GRIA3: variants seen among roughly 807,000 people sequenced by gnomAD.
GRIA3 encodes the protein glutamate receptor 3.
In GRIA3, 3 loss-of-function variants were observed where a neutral mutation model predicts 63.0. That is an observed-to-expected ratio of 0.05 (90% CI 0.02 to 0.12). GRIA3 has a LOEUF of 0.12. GRIA3 is among the 10% of genes least tolerant of loss of function. The pLI, the probability that GRIA3 is intolerant of heterozygous loss-of-function variation, is 1.00. For synonymous variants in GRIA3, 274 were observed against 257.9 expected (o/e 1.06, Z -0.60); for missense variants, 347 against 700.9 (o/e 0.50, Z 5.70).
chrX:123,374,336 C>T (rs781239975), intron 5 of GRIA3, among the ~76,000 whole-genome samples: 1 of 111,956 alleles, frequency 8.9e-6, no homozygotes, highest in South Asian at 3.8e-4. Context: ...CTTGGCAATG[C>T]AGGCTCTTTT....
At chrX:123,196,710 A>G (rs1048751328) in intron 2 of GRIA3, among the ~76,000 whole-genome samples, 1 of 111,842 alleles carries the variant, frequency 8.9e-6, no homozygotes, top group Non-Finnish European at 1.9e-5. Context: ...GAACTCCTCT[A>G]CCATATTTCT....
intron 4 of GRIA3, among the ~76,000 whole-genome samples, chrX:123,329,905 T>C (rs906580793): frequency 8.9e-6 from 1 of 111,747 alleles, no homozygotes; most frequent in Non-Finnish European, 1.9e-5. Context: ...TCTGAAGAGA[T>C]CCTCCACCAC....
intron 5 of GRIA3, among the ~76,000 whole-genome samples, chrX:123,362,281 G>A: frequency 8.9e-6 from 1 of 112,000 alleles, no homozygotes; most frequent in Non-Finnish European, 1.9e-5. Context: ...GATAGAACAG[G>A]TGCTGGGACA....
chrX:123,361,641 T>C (rs2045175066), intron 5 of GRIA3, among the ~76,000 whole-genome samples: 1 of 111,363 alleles, frequency 9.0e-6, no homozygotes, highest in African/African-American at 3.3e-5. Context: ...ACTCTGAGAC[T>C]CCTATTCTCT....
intron 3 of GRIA3, among the ~76,000 whole-genome samples, chrX:123,315,468 A>T (rs1603088253): frequency 8.9e-6 from 1 of 112,524 alleles, no homozygotes; most frequent in East Asian, 2.8e-4. Flanking sequence ...AAGTTAAAAC[A>T]AAAACAAACA....
intron 12 of GRIA3, among the ~76,000 whole-genome samples, chrX:123,463,656 GAAAGAAAGAAAGAAAGAAAGAA>G (rs1569440848): frequency 4.0e-5 from 2 of 49,409 alleles, no homozygotes; most frequent in Non-Finnish European, 3.5e-5. Context: ...AAGAAAGAAA[GAAAGAAAGAAAGAAAGAAAGAA>G]AGAAAGAGAG....
intron 3 of GRIA3, among the ~76,000 whole-genome samples, chrX:123,304,725 T>A (rs2044744749): frequency 8.9e-6 from 1 of 111,934 alleles, no homozygotes; most frequent in Non-Finnish European, 1.9e-5. Flanking sequence ...AAGGCAGTAG[T>A]TTGAAGAATT....
chrX:123,207,163 T>C (rs1409306879), intron 2 of GRIA3, among the ~76,000 whole-genome samples: 1 of 36,126 alleles, frequency 2.8e-5, no homozygotes, highest in Non-Finnish European at 4.5e-5. Context: ...TATTATAATT[T>C]GCAAAAAAAA....
chrX:123,282,244 A>G lies in GRIA3; in HGVS notation c.508+28702A>G, dbSNP rs1188359895. Among the ~76,000 whole-genome samples the G allele has an allele frequency of 5.3e-5, 6 of 112,518 alleles. No homozygotes were observed. The Admixed American group carries it at 5.6e-4, about 11-fold the overall frequency. ...TGATATTTCAGAATATATGCATGAA[A>G]GAAAATTAAAACAAAAGGAAACAAT... On this transcript the variant is annotated intron_variant, in intron 3 of 15. Coordinates refer to ENST00000620443, the MANE Select transcript of GRIA3 (RefSeq NM_007325.5).
At chrX:123,302,792 T>C (rs1168554080) in intron 3 of GRIA3, among the ~76,000 whole-genome samples, 1 of 111,023 alleles carries the variant, frequency 9.0e-6, no homozygotes, top group Admixed American at 9.6e-5. Context: ...GAAAGATCCA[T>C]TGAGGAGTTT....
intron 3 of GRIA3, among the ~76,000 whole-genome samples, chrX:123,285,577 C>CA (rs59101106): frequency 1.9e-3 from 19 of 10,163 alleles, no homozygotes; most frequent in East Asian, 4.4e-3. Context: ...AAATGAAAAG[C>CA]AAAAAAAAAA....
intron 12 of GRIA3, among the ~76,000 whole-genome samples, chrX:123,449,266 G>A (rs1238014877): frequency 8.9e-6 from 1 of 112,212 alleles, no homozygotes; most frequent in African/African-American, 3.2e-5. Flanking sequence ...TTAAATAAGT[G>A]TGCTGATTTG....
chrX:123,237,604 G>A (rs930005319), intron 2 of GRIA3, among the ~76,000 whole-genome samples: 2 of 111,973 alleles, frequency 1.8e-5, no homozygotes, highest in Middle Eastern at 4.6e-3. Flanking sequence ...TTAATTTTGC[G>A]TGACATCACA....
intron 2 of GRIA3, among the ~76,000 whole-genome samples, chrX:123,214,042 C>T (rs1015669903): frequency 3.6e-5 from 4 of 111,746 alleles, no homozygotes; most frequent in Non-Finnish European, 7.5e-5. Flanking sequence ...GTTCCCAAGC[C>T]CAAGCCTTGA....
intron 2 of GRIA3, among the ~76,000 whole-genome samples, chrX:123,215,472 C>T (rs1270318499): frequency 9.0e-6 from 1 of 111,714 alleles, no homozygotes; most frequent in Non-Finnish European, 1.9e-5. Context: ...TCCCCTAGTA[C>T]AGTACAGCAC....
At chrX:123,313,453 A>C (rs747257929) in intron 3 of GRIA3, among the ~76,000 whole-genome samples, 303 of 111,223 alleles carry the variant, frequency 2.7e-3, no homozygotes, top group African/African-American at 9.7e-3. Flanking sequence ...AAGGAGTCTC[A>C]GCACTCCTGG....
At chrX:123,225,530 C>T (rs902158428) in intron 2 of GRIA3, among the ~76,000 whole-genome samples, 5 of 111,939 alleles carry the variant, frequency 4.5e-5, no homozygotes, top group Non-Finnish European at 9.4e-5. Flanking sequence ...TAACCAAAAG[C>T]TTTGTCTGTG....
chrX:123,195,715 C>G (rs1487147345), intron 2 of GRIA3, among the ~76,000 whole-genome samples: 1 of 111,821 alleles, frequency 8.9e-6, no homozygotes, highest in East Asian at 2.8e-4. Flanking sequence ...TACTATATAC[C>G]TCCTTTTAGC....
chrX:123,248,438 C>T (rs2044371004), intron 2 of GRIA3, among the ~76,000 whole-genome samples: 1 of 112,071 alleles, frequency 8.9e-6, no homozygotes, highest in African/African-American at 3.2e-5. Flanking sequence ...ATAAGATTGC[C>T]AAGACAAATA....
Sources: gnomAD v4.1 joint callset for allele counts (sites outside exome capture counted in the v4.1 genomes callset) on GRCh38, gnomAD v4.1.1 for gene constraint, MANE v1.5 for transcripts, NCBI Gene and HGNC (gene_info 2026-07-23, HGNC 2026-07-21) for gene names.